The following TGFA variants were observed in gnomAD, a reference collection of about 807,000 sequenced individuals.
The protein encoded by TGFA is transforming growth factor alpha.
In TGFA, 12 loss-of-function variants were observed where a neutral mutation model predicts 21.7. The ratio of observed to expected loss-of-function variants is 0.55; its 90% CI spans 0.35 to 0.90. TGFA has a LOEUF of 0.90. Ranked by LOEUF, TGFA falls within the 40% of genes least tolerant of loss-of-function variation. TGFA has a pLI of 0.01. For synonymous variants in TGFA, 79 were observed against 88.1 expected (o/e 0.90, Z 0.58); for missense variants, 178 against 210.8 (o/e 0.84, Z 0.96).
intron 2 of TGFA, among the ~76,000 whole-genome samples, chr2:70,512,784 GGA>G (rs1553501097): frequency 1.3e-5 from 2 of 152,206 alleles, no homozygotes; most frequent in African/African-American, 4.8e-5. Context: ...CTGAATGGAT[GGA>G]GACTTGGAGG....
At chr2:70,547,796 A>G (rs1673358012) in intron 1 of TGFA, among the ~76,000 whole-genome samples, 2 of 147,960 alleles carry the variant, frequency 1.4e-5, no homozygotes, top group Non-Finnish European at 3.0e-5. Flanking sequence ...TATACTATCT[A>G]TACAATATAT....
At chr2:70,540,475 C>T (rs186075797) in intron 1 of TGFA, among the ~76,000 whole-genome samples, 4 of 152,202 alleles carry the variant, frequency 2.6e-5, no homozygotes, top group Admixed American at 1.3e-4. Flanking sequence ...ATAACTGGAT[C>T]ATTATTTGAC....
At chr2:70,498,453 G>A (rs1441649518) in intron 2 of TGFA, among the ~76,000 whole-genome samples, 1 of 152,192 alleles carries the variant, frequency 6.6e-6, no homozygotes, top group Non-Finnish European at 1.5e-5. Flanking sequence ...TTAACAGAGA[G>A]TAAGGGCAAC....
At chr2:70,468,792 A>C (rs1553492727) in intron 2 of TGFA, among the ~76,000 whole-genome samples, 1 of 152,198 alleles carries the variant, frequency 6.6e-6, no homozygotes, top group African/African-American at 2.4e-5. Context: ...CAGAGAAACA[A>C]GCCCAGGGCT....
intron 2 of TGFA, among the ~76,000 whole-genome samples, chr2:70,484,996 A>G (rs140760898): frequency 3.4e-4 from 52 of 152,306 alleles, no homozygotes; most frequent in African/African-American, 1.2e-3. Context: ...CACCCATTCA[A>G]CTCACTGCAA....
In TGFA at chr2:70,532,755, T is replaced by G. The variant is rs190402262; in HGVS notation, c.41-17843A>C. ...TGCTAGAGCAGAACCCTCTCCCTGC[T>G]TTAGGCAGTTCCTCCCCCAGAGGAG... On this transcript the variant is annotated intron_variant, in intron 1 of 5. Coordinates refer to ENST00000295400, the MANE Select transcript of TGFA (RefSeq NM_003236.4). 2.6e-5 allele frequency among the ~76,000 whole-genome samples: 4 copies of G among 152,338 alleles called. No homozygotes were observed. In the East Asian group the frequency reaches 7.7e-4, roughly 29 times the overall value.
chr2:70,517,485 C>T (rs408990), intron 1 of TGFA, among the ~76,000 whole-genome samples: 19,700 of 152,244 alleles, frequency 0.13, 1,352 homozygotes, highest in South Asian at 0.21. Flanking sequence ...GTCCCAGGCC[C>T]AGTGCTAATG....
chr2:70,550,904 T>C (rs1673481305), intron 1 of TGFA, among the ~76,000 whole-genome samples: 1 of 152,224 alleles, frequency 6.6e-6, no homozygotes, highest in South Asian at 2.1e-4. Flanking sequence ...GGCCAAATCA[T>C]ATTCACCAGA....
intron 2 of TGFA, among the ~76,000 whole-genome samples, chr2:70,491,900 C>A (rs1418464593): frequency 2.0e-5 from 3 of 152,224 alleles, no homozygotes; most frequent in Admixed American, 1.3e-4. Context: ...AAATGAGCTG[C>A]ACAATGGCAC....
At chr2:70,532,127 TTCCAGATTTTCAGAAAATTTC>T (rs1336887949) in intron 1 of TGFA, among the ~76,000 whole-genome samples, 1 of 152,170 alleles carries the variant, frequency 6.6e-6, no homozygotes, top group Non-Finnish European at 1.5e-5. Flanking sequence ...ATAAACAAAG[TTCCAGATTTTCAGAAAATTTC>T]TGCCTGTGAA....
intron 1 of TGFA, among the ~76,000 whole-genome samples, chr2:70,521,270 T>A (rs1216748943): frequency 6.6e-6 from 1 of 152,130 alleles, no homozygotes; most frequent in African/African-American, 2.4e-5. Context: ...CTAGACCTCG[T>A]TTCCACCTAA....
intron 2 of TGFA, among the ~76,000 whole-genome samples, chr2:70,474,371 A>G (rs1670862303): frequency 6.6e-6 from 1 of 152,250 alleles, no homozygotes; most frequent in South Asian, 2.1e-4. Context: ...TCAAGTCCAG[A>G]AAGACAAATG....
At chr2:70,503,047 C>T (rs1671785478) in intron 2 of TGFA, among the ~76,000 whole-genome samples, 4 of 152,050 alleles carry the variant, frequency 2.6e-5, no homozygotes, top group African/African-American at 7.2e-5. Context: ...CTAGAAATAC[C>T]ATTTGACCCA....
intron 2 of TGFA, among the ~76,000 whole-genome samples, chr2:70,473,167 G>T (rs1377653042): frequency 6.6e-6 from 1 of 152,118 alleles, no homozygotes; most frequent in Admixed American, 6.5e-5. Context: ...CTGGCTTCAG[G>T]GCAGCAGCAG....
intron 1 of TGFA, among the ~76,000 whole-genome samples, chr2:70,533,905 A>G (rs1553504039): frequency 6.6e-6 from 1 of 152,172 alleles, no homozygotes; most frequent in African/African-American, 2.4e-5. Flanking sequence ...ATTGCAAAGA[A>G]GTCTGTCTCA....
At chr2:70,473,988 T>G (rs1553493755) in intron 2 of TGFA, among the ~76,000 whole-genome samples, 1 of 152,206 alleles carries the variant, frequency 6.6e-6, no homozygotes, top group African/African-American at 2.4e-5. Flanking sequence ...AGAACTCCTA[T>G]GCTTAAAAGA....
intron 2 of TGFA, among the ~76,000 whole-genome samples, chr2:70,487,053 C>T (rs1671291843): frequency 1.3e-5 from 2 of 152,198 alleles, no homozygotes; most frequent in African/African-American, 2.4e-5. Flanking sequence ...TGTGCCACTG[C>T]GCCCAGCCCT....
At chr2:70,503,464 A>G (rs1489855311) in intron 2 of TGFA, among the ~76,000 whole-genome samples, 1 of 151,386 alleles carries the variant, frequency 6.6e-6, no homozygotes, top group Non-Finnish European at 1.5e-5. Flanking sequence ...TAGGAGATAT[A>G]CCTAATGTAA....
rs114380557 is a variant in TGFA at position 70,548,980 on chromosome 2, C to T, written c.40+4748G>A. ...CAAAACCAAAAGCCACCATAAAAGT[C>T]TCCCAATCTTCCTCTATCTAAGTGC... On this transcript the variant is annotated intron_variant, in intron 1 of 5. Transcript: ENST00000295400. Among the ~76,000 whole-genome samples the T allele has an allele frequency of 2.8e-3, 425 of 152,300 alleles. 2 individuals carry two copies. The highest frequency in any genetic ancestry group is 8.8e-3 in the African/African-American group (365 of 41,564).
Sources: gnomAD v4.1 joint callset for allele counts (sites outside exome capture counted in the v4.1 genomes callset) on GRCh38, gnomAD v4.1.1 for gene constraint, MANE v1.5 for transcripts, NCBI Gene and HGNC (gene_info 2026-07-23, HGNC 2026-07-21) for gene names.